The following CSMD1 variants were observed in gnomAD, a reference collection of about 807,000 sequenced individuals.
CSMD1 encodes CUB and sushi domain-containing protein 1.
In CSMD1, 213 loss-of-function variants were observed where a neutral mutation model predicts 417.5. That is an observed-to-expected ratio of 0.51 (90% CI 0.46 to 0.57). The LOEUF (loss-of-function observed/expected upper bound fraction) is 0.57, where lower values mean the gene tolerates loss of function less well. Among genes scored for constraint, CSMD1 ranks in the 20% least tolerant of loss-of-function variants. The probability of loss-of-function intolerance (pLI) is 0.00; values close to 1 mark genes in which losing one functional copy is unlikely to be tolerated. For missense variants in CSMD1, 6,923 were observed against 4,529.7 expected, an observed-to-expected ratio of 1.53 and a Z score of -15.17; for synonymous variants, 2,862 against 1,736.8, an observed-to-expected ratio of 1.65 and a Z score of -16.11.
intron 1 of CSMD1, among the ~76,000 whole-genome samples, chr8:4,975,501 A>G (rs974850903): frequency 8.5e-5 from 13 of 152,186 alleles, no homozygotes; most frequent in African/African-American, 2.4e-4. Flanking sequence ...TCAGGGCTGA[A>G]AGCAAAAGGC....
At chr8:4,992,255 C>T (rs1028990012) in intron 1 of CSMD1, among the ~76,000 whole-genome samples, 1 of 151,732 alleles carries the variant, frequency 6.6e-6, no homozygotes. Flanking sequence ...CTCATCCTAG[C>T]GCTGCAGCCC....
In CSMD1 at chr8:4,840,529, G is replaced by C. The variant is rs941727395; in HGVS notation, c.85+153803C>G. On this transcript the variant is annotated intron_variant, in intron 1 of 69. Transcript: ENST00000635120. ...AGTTATGGTGGTGAGACTTGCTGAA[G>C]GAGCAGCTTTCAAAATAAACTTCCC... 2.0e-5 allele frequency among the ~76,000 whole-genome samples: 3 copies of C among 152,130 alleles called. No homozygotes were observed. The East Asian group carries it at 5.8e-4, about 29-fold the overall frequency.
At chr8:4,382,738 T>G (rs1803184821) in intron 3 of CSMD1, among the ~76,000 whole-genome samples, 1 of 152,222 alleles carries the variant, frequency 6.6e-6, no homozygotes. Context: ...TTTGCATTGT[T>G]AGGTCCATAA....
chr8:3,405,962 T>G, intron 15 of CSMD1, 65 bp downstream of exon 15: 1 of 1,487,124 alleles, frequency 6.7e-7, no homozygotes, highest in Non-Finnish European at 9.2e-7. Flanking sequence ...TGTTGGTTTG[T>G]GTGTGTGCCT....
At chr8:3,226,443 C>T (rs1024228438) in intron 27 of CSMD1, among the ~76,000 whole-genome samples, 8 of 151,892 alleles carry the variant, frequency 5.3e-5, no homozygotes, top group Non-Finnish European at 1.0e-4. Flanking sequence ...AATAGCCGGG[C>T]GTGGTGGCAC....
intron 10 of CSMD1, among the ~76,000 whole-genome samples, chr8:3,567,578 G>A (rs1281740163): frequency 6.6e-6 from 1 of 151,508 alleles, no homozygotes; most frequent in Non-Finnish European, 1.5e-5. Flanking sequence ...AAAGGGAAGG[G>A]AAAGGAAGGA....
At chr8:3,750,594 T>A (rs769467142) in intron 6 of CSMD1, among the ~76,000 whole-genome samples, 2 of 152,170 alleles carry the variant, frequency 1.3e-5, no homozygotes, top group African/African-American at 2.4e-5. Flanking sequence ...ACAATACAAT[T>A]TGGGCTTCAT....
intron 3 of CSMD1, among the ~76,000 whole-genome samples, chr8:4,086,707 C>G (rs1308358512): frequency 1.3e-5 from 2 of 152,198 alleles, no homozygotes; most frequent in Admixed American, 6.5e-5. Context: ...TTCAGGTACC[C>G]AGGTAGATAG....
intron 25 of CSMD1, among the ~76,000 whole-genome samples, chr8:3,291,118 A>G (rs200510568): frequency 6.6e-6 from 1 of 152,004 alleles, no homozygotes; most frequent in African/African-American, 2.4e-5. Context: ...TTTATATGCT[A>G]GATTACATTT....
chr8:4,612,081 T>A (rs529941648), intron 2 of CSMD1, among the ~76,000 whole-genome samples: 15 of 151,732 alleles, frequency 9.9e-5, no homozygotes, highest in Non-Finnish European at 1.9e-4. Context: ...GATAGAAGAG[T>A]GCTGGGAAGA....
intron 1 of CSMD1, among the ~76,000 whole-genome samples, chr8:4,765,603 G>C (rs906494370): frequency 1.3e-5 from 2 of 152,202 alleles, no homozygotes; most frequent in Admixed American, 6.5e-5. Context: ...CTCCTGAGCA[G>C]CTGAGAAAAA....
chr8:4,718,085 C>T (rs1808802240), intron 1 of CSMD1, among the ~76,000 whole-genome samples: 1 of 152,108 alleles, frequency 6.6e-6, no homozygotes, highest in African/African-American at 2.4e-5. Flanking sequence ...TCAGGAGATC[C>T]TCCCACTTCC....
intron 3 of CSMD1, among the ~76,000 whole-genome samples, chr8:4,386,723 C>T (rs1803479677): frequency 6.6e-6 from 1 of 152,154 alleles, no homozygotes; most frequent in African/African-American, 2.4e-5. Flanking sequence ...TAAGGGATAG[C>T]TGGCAGAGAA....
chr8:4,546,938 C>T (rs1362110126), intron 2 of CSMD1, among the ~76,000 whole-genome samples: 1 of 152,088 alleles, frequency 6.6e-6, no homozygotes. Context: ...TTCTCCTCTG[C>T]CCCTACAGGA....
At chr8:3,302,178 T>C (rs1427885259) in intron 25 of CSMD1, among the ~76,000 whole-genome samples, 1 of 152,118 alleles carries the variant, frequency 6.6e-6, no homozygotes, top group Non-Finnish European at 1.5e-5. Flanking sequence ...TGTGAGGAGT[T>C]GGGAACACGT....
chr8:3,645,883 C>T (rs1463753661), intron 7 of CSMD1, among the ~76,000 whole-genome samples: 49 of 152,160 alleles, frequency 3.2e-4, no homozygotes, highest in Admixed American at 3.2e-3. Flanking sequence ...GGGCAAATTA[C>T]ATATGAATAC....
chr8:3,604,280 G>T (rs147444962), intron 8 of CSMD1, among the ~76,000 whole-genome samples: 140 of 152,208 alleles, frequency 9.2e-4, no homozygotes, highest in African/African-American at 3.3e-3. Context: ...AAAGTCAAAG[G>T]CCAGAGGGAG....
rs562932691 is a variant in CSMD1 at position 3,149,525 on chromosome 8, T to C, written c.6031+1872A>G. Among the ~76,000 whole-genome samples, 174 of 152,304 alleles carry C rather than the reference T, an allele frequency of 1.1e-3. 1 individual carries two copies. Among genetic ancestry groups the C allele is most frequent in the South Asian group, 2.5e-3 (12 of 4,826 alleles). On this transcript the variant is annotated intron_variant, in intron 40 of 69. Coordinates refer to ENST00000635120, the MANE Select transcript of CSMD1 (RefSeq NM_033225.6). ...ACAGAGTCTCGCTCTGTCACCAAGC[T>C]GGAGCGCAGTGGCGTGATCGTGGCT... is the stretch of plus-strand genomic sequence containing the variant.
At chr8:3,453,467 C>G (rs1464536411) in intron 12 of CSMD1, among the ~76,000 whole-genome samples, 1 of 152,168 alleles carries the variant, frequency 6.6e-6, no homozygotes, top group Non-Finnish European at 1.5e-5. Context: ...AAATTTCCCT[C>G]TACACACTGC....
Sources: allele counts gnomAD v4.1 joint callset (sites outside exome capture counted in the v4.1 genomes callset), GRCh38; gene constraint gnomAD v4.1.1; transcripts MANE v1.5; gene names NCBI Gene and HGNC (gene_info 2026-07-23, HGNC 2026-07-21).